NAALADL2: variants seen among roughly 807,000 people sequenced by gnomAD.
The protein encoded by NAALADL2 is inactive N-acetylated-alpha-linked acidic dipeptidase-like protein 2.
NAALADL2 carries 76 observed loss-of-function variants against 87.2 expected under a neutral mutation model. The ratio of observed to expected loss-of-function variants is 0.87; its 90% CI spans 0.72 to 1.05. The LOEUF (loss-of-function observed/expected upper bound fraction) is 1.05, where lower values mean the gene tolerates loss of function less well. NAALADL2 is among the 50% of genes least tolerant of loss of function. NAALADL2 has a pLI of 0.00. For missense variants in NAALADL2, 1,089 were observed against 945.8 expected (o/e 1.15, Z -1.99); for synonymous variants, 354 against 331.0 (o/e 1.07, Z -0.75).
At chr3:174,902,856 G>C (rs1019630302) in intron 1 of NAALADL2, among the ~76,000 whole-genome samples, 1 of 152,068 alleles carries the variant, frequency 6.6e-6, no homozygotes, top group African/African-American at 2.4e-5. Flanking sequence ...ATACATGCTT[G>C]GGAAATGTTT....
intron 11 of NAALADL2, among the ~76,000 whole-genome samples, chr3:175,702,064 G>A (rs1227713370): frequency 6.6e-6 from 1 of 151,648 alleles, no homozygotes; most frequent in Non-Finnish European, 1.5e-5. Flanking sequence ...ACTTTCCTCT[G>A]TTTTTTTTCT....
At chr3:174,724,033 T>A (rs1731962977) in intron 2 of NAALADL2, among the ~76,000 whole-genome samples, 1 of 152,096 alleles carries the variant, frequency 6.6e-6, no homozygotes, top group Non-Finnish European at 1.5e-5. Flanking sequence ...GGATTCCTAT[T>A]TGGAGATGAC....
At chr3:175,773,908 C>G (rs192461300) in intron 13 of NAALADL2, among the ~76,000 whole-genome samples, 99 of 152,240 alleles carry the variant, frequency 6.5e-4, no homozygotes, top group Admixed American at 2.0e-3. Flanking sequence ...ACTCTTCCCC[C>G]ATATAACATA....
intron 2 of NAALADL2, among the ~76,000 whole-genome samples, chr3:174,597,301 A>G (rs571439467): frequency 6.6e-6 from 1 of 152,220 alleles, no homozygotes; most frequent in African/African-American, 2.4e-5. Flanking sequence ...TTGTCATTGT[A>G]GGATGATCAC....
intron 11 of NAALADL2, among the ~76,000 whole-genome samples, chr3:175,658,143 A>G (rs1731760897): frequency 6.6e-6 from 1 of 152,130 alleles, no homozygotes; most frequent in Admixed American, 6.5e-5. Context: ...TTGGATTGCT[A>G]GATTGAACAA....
Position 175,287,322 on chromosome 3 carries a change from C to G in NAALADL2, c.939+30792C>G, listed in dbSNP as rs143352508. ...AACATTTCACATATCCAGCAATGTGCAAAAATAATATAATTAACATCCATT... is the reference window on the plus strand; with the variant it reads ...AACATTTCACATATCCAGCAATGTGGAAAAATAATATAATTAACATCCATT... On this transcript the variant is annotated intron_variant, in intron 4 of 13. Transcript: ENST00000454872. Among the ~76,000 whole-genome samples the G allele has an allele frequency of 5.3e-3, 806 of 152,128 alleles. 4 individuals carry two copies. Among genetic ancestry groups the G allele is most frequent in the African/African-American group, 0.019 (779 of 41,504 alleles).
chr3:174,846,012 G>T (rs1724579804), intron 3 of NAALADL2, among the ~76,000 whole-genome samples: 1 of 152,092 alleles, frequency 6.6e-6, no homozygotes, highest in Admixed American at 6.5e-5. Context: ...TTCTGCTCTG[G>T]AGCAATGTAT....
At chr3:174,959,637 A>G (rs1326149263) in intron 1 of NAALADL2, among the ~76,000 whole-genome samples, 1 of 152,034 alleles carries the variant, frequency 6.6e-6, no homozygotes, top group Non-Finnish European at 1.5e-5. Flanking sequence ...GTTTTTCTGG[A>G]AGTGTATCTA....
intron 1 of NAALADL2, chr3:174,523,498 A>G (rs1209833995): frequency 6.6e-6 from 1 of 152,232 alleles, no homozygotes; most frequent in Non-Finnish European, 1.5e-5. Flanking sequence ...TGAAGTTTGT[A>G]TCTACATCTC....
chr3:174,569,526 T>C (rs1714676927), intron 2 of NAALADL2, among the ~76,000 whole-genome samples: 1 of 152,126 alleles, frequency 6.6e-6, no homozygotes. Context: ...CTTTCTATTG[T>C]CTGAGTTTTC....
rs2148963380 is a variant in NAALADL2, at chr3:175,374,918, A to AAGTC, written c.1090+50595_1090+50598dup. On this transcript the variant is annotated intron_variant, in intron 5 of 13. Coordinates refer to ENST00000454872, the MANE Select transcript of NAALADL2 (RefSeq NM_207015.3). Reference sequence around the variant, plus strand: ...TAAATAAATAAATAAATAAATAAATAAGTCAAGTTGTGTAGTTTTACCTTT... The same window carrying AAGTC: ...TAAATAAATAAATAAATAAATAAATAAGTCAGTCAAGTTGTGTAGTTTTACCTTT... Among the ~76,000 whole-genome samples the AAGTC allele has an allele frequency of 1.3e-5, 2 of 150,016 alleles. 1 individual carries two copies. The highest frequency in any genetic ancestry group is 4.4e-4 in the South Asian group (2 of 4,574).
intron 2 of NAALADL2, among the ~76,000 whole-genome samples, chr3:175,227,412 C>A (rs1401137094): frequency 1.3e-5 from 2 of 151,932 alleles, no homozygotes; most frequent in Admixed American, 1.3e-4. Context: ...ATGCTGCCTG[C>A]CAAAACTACT....
At chr3:174,797,292 G>GTTTTTT (rs1468962061) in intron 3 of NAALADL2, among the ~76,000 whole-genome samples, 1 of 109,644 alleles carries the variant, frequency 9.1e-6, no homozygotes, top group Non-Finnish European at 1.8e-5. Context: ...TTTTTCTTTT[G>GTTTTTT]TTTTTCTTTT....
chr3:175,045,248 G>T (rs1473256051), intron 1 of NAALADL2, among the ~76,000 whole-genome samples: 1 of 151,958 alleles, frequency 6.6e-6, no homozygotes, highest in East Asian at 1.9e-4. Context: ...CACACTCTCC[G>T]TGGACACTCC....
chr3:174,630,542 T>G (rs1183694200), intron 2 of NAALADL2, among the ~76,000 whole-genome samples: 1 of 152,194 alleles, frequency 6.6e-6, no homozygotes. Context: ...TGCATCATGG[T>G]TCACGGTTAC....
At chr3:175,458,073 C>T (rs1010037510) in intron 6 of NAALADL2, among the ~76,000 whole-genome samples, 1 of 151,914 alleles carries the variant, frequency 6.6e-6, no homozygotes, top group African/African-American at 2.4e-5. Flanking sequence ...ACTCATTATT[C>T]TTCGGGTATT....
At chr3:175,084,564 C>T (rs1023620000) in intron 1 of NAALADL2, among the ~76,000 whole-genome samples, 1 of 152,168 alleles carries the variant, frequency 6.6e-6, no homozygotes, top group African/African-American at 2.4e-5. Flanking sequence ...ATATAAATGT[C>T]TCACTATCAA....
chr3:175,251,584 T>G (rs868227299), intron 3 of NAALADL2, among the ~76,000 whole-genome samples: 1 of 152,184 alleles, frequency 6.6e-6, no homozygotes, highest in Admixed American at 6.5e-5. Context: ...GTACCCCAAC[T>G]AGTTGAGTGA....
intron 5 of NAALADL2, among the ~76,000 whole-genome samples, chr3:175,438,744 A>G (rs1719179712): frequency 6.6e-6 from 1 of 152,156 alleles, no homozygotes; most frequent in Non-Finnish European, 1.5e-5. Flanking sequence ...AAAGTGTTAT[A>G]AATGCAATTT....
Sources: gnomAD v4.1 joint callset for allele counts (sites outside exome capture counted in the v4.1 genomes callset) on GRCh38, gnomAD v4.1.1 for gene constraint, MANE v1.5 for transcripts, NCBI Gene and HGNC (gene_info 2026-07-23, HGNC 2026-07-21) for gene names.